IPCEF1: variants seen among roughly 807,000 people sequenced by gnomAD.
IPCEF1 encodes interaction protein for cytohesin exchange factors 1, also known as interactor protein for cytohesin exchange factors 1.
Under a neutral mutation model 50.9 loss-of-function variants are expected in IPCEF1, and 31 were observed. The observed-to-expected ratio is 0.61, with a 90% CI of 0.46 to 0.82. The LOEUF (loss-of-function observed/expected upper bound fraction) is 0.82. Ranked by LOEUF, IPCEF1 falls within the 40% of genes least tolerant of loss-of-function variation. IPCEF1 has a pLI of 0.00. For missense variants in IPCEF1, 458 were observed against 514.0 expected (o/e 0.89, Z 1.05); for synonymous variants, 181 against 192.0 (o/e 0.94, Z 0.47).
chr6:154,166,822 T>A (rs1378665414), intron 11 of IPCEF1, among the ~76,000 whole-genome samples: 1 of 152,172 alleles, frequency 6.6e-6, no homozygotes, highest in African/African-American at 2.4e-5. Context: ...CATTGAATAA[T>A]CAAATATATT....
At chr6:154,205,811 T>C (rs575691060) in intron 9 of IPCEF1, among the ~76,000 whole-genome samples, 30 of 152,238 alleles carry the variant, frequency 2.0e-4, no homozygotes, top group Non-Finnish European at 3.8e-4. Flanking sequence ...AATGCTATCA[T>C]ATTTGATTAT....
chr6:154,291,388 T>TG (rs1320072398), intron 1 of IPCEF1, among the ~76,000 whole-genome samples: 1 of 152,184 alleles, frequency 6.6e-6, no homozygotes, highest in African/African-American at 2.4e-5. Flanking sequence ...CTTGAGTACT[T>TG]GGATTTTTTT....
intron 2 of IPCEF1, among the ~76,000 whole-genome samples, chr6:154,279,807 A>G (rs1359821238): frequency 6.6e-6 from 1 of 152,242 alleles, no homozygotes; most frequent in Non-Finnish European, 1.5e-5. Flanking sequence ...AAGAACTCCC[A>G]TGAATCAGTA....
intron 1 of IPCEF1, among the ~76,000 whole-genome samples, chr6:154,346,645 A>G (rs542360277): frequency 3.3e-5 from 5 of 152,348 alleles, no homozygotes; most frequent in African/African-American, 1.2e-4. Flanking sequence ...AGAAACTTAC[A>G]GTCATGGTGG....
chr6:154,321,790 A>C (rs1783385782), intron 1 of IPCEF1, among the ~76,000 whole-genome samples: 1 of 148,532 alleles, frequency 6.7e-6, no homozygotes, highest in Non-Finnish European at 1.5e-5. Context: ...AAAAAAAAAA[A>C]AAAAAAAAAA....
At chr6:154,206,617 C>CA (rs1562540910) in intron 9 of IPCEF1, among the ~76,000 whole-genome samples, 3 of 151,658 alleles carry the variant, frequency 2.0e-5, no homozygotes, top group African/African-American at 7.3e-5. Context: ...AAAAAATCAT[C>CA]AAAAAAAGAA....
intron 2 of IPCEF1, among the ~76,000 whole-genome samples, chr6:154,283,306 A>AT (rs1340032407): frequency 4.1e-4 from 55 of 132,690 alleles, no homozygotes; most frequent in African/African-American, 1.5e-3. Flanking sequence ...AAAAAAAAAA[A>AT]AAAAAGAGGG....
At chr6:154,213,348 T>C (rs1360943678) in intron 8 of IPCEF1, 1 of 159,688 alleles carries the variant, frequency 6.3e-6, no homozygotes, top group African/African-American at 2.4e-5. Context: ...GGCCATGTCA[T>C]AGAAGGCCTT....
At chr6:154,243,676 G>A (rs1780783126) in intron 5 of IPCEF1, among the ~76,000 whole-genome samples, 1 of 152,186 alleles carries the variant, frequency 6.6e-6, no homozygotes, top group Admixed American at 6.5e-5. Flanking sequence ...CAGAAAACAG[G>A]GTGGTCTTAA....
chr6:154,281,537 T>C (rs1208240134), intron 2 of IPCEF1, among the ~76,000 whole-genome samples: 1 of 151,710 alleles, frequency 6.6e-6, no homozygotes, highest in East Asian at 1.9e-4. Flanking sequence ...AATAAACTCT[T>C]GTTGAAGATT....
intron 10 of IPCEF1, among the ~76,000 whole-genome samples, chr6:154,198,816 C>A (rs1371860999): frequency 6.6e-6 from 1 of 152,156 alleles, no homozygotes; most frequent in African/African-American, 2.4e-5. Flanking sequence ...ATTAGACACT[C>A]TGGCAAGTGA....
chr6:154,344,107 G>C (rs753897056), intron 1 of IPCEF1, among the ~76,000 whole-genome samples: 6 of 152,148 alleles, frequency 3.9e-5, no homozygotes, highest in Admixed American at 6.5e-5. Context: ...AAACTGGCTG[G>C]TATCCACCAC....
chr6:154,288,698 A>C (rs1383797054), intron 2 of IPCEF1, among the ~76,000 whole-genome samples: 5 of 148,014 alleles, frequency 3.4e-5, no homozygotes, highest in Admixed American at 6.7e-5. Flanking sequence ...AAAAAAAAAA[A>C]AAAAAAACTG....
chr6:154,246,572 A>C lies in IPCEF1; in HGVS notation c.246+19T>G, dbSNP rs1206148228. 1.3e-6 allele frequency: 2 copies of C among 1,599,998 alleles called. No homozygotes were observed. Among genetic ancestry groups the C allele is most frequent in the East Asian group, 4.5e-5 (2 of 44,742 alleles). The stretch of plus-strand genomic sequence containing the variant: ...CCTCATTAAAACGGCTGGGAATAGG[A>C]GGAAGAAAGCAGACTCACCATTTGA... On this transcript the variant is annotated intron_variant, in intron 5 of 11. Transcript: ENST00000367220.
chr6:154,300,158 GCAGAC>G (rs1782755819), intron 1 of IPCEF1, among the ~76,000 whole-genome samples: 1 of 141,744 alleles, frequency 7.1e-6, no homozygotes, highest in Admixed American at 7.3e-5. Context: ...TGAAATGCAG[GCAGAC>G]CTCTTTGTGG....
intron 2 of IPCEF1, among the ~76,000 whole-genome samples, chr6:154,287,482 TA>T (rs1395164611): frequency 6.6e-6 from 1 of 152,236 alleles, no homozygotes; most frequent in Non-Finnish European, 1.5e-5. Flanking sequence ...TGGGTGCTAT[TA>T]CTGTCTCCAT....
intron 3 of IPCEF1, among the ~76,000 whole-genome samples, chr6:154,256,248 G>C (rs1438267290): frequency 6.6e-6 from 1 of 152,106 alleles, no homozygotes; most frequent in Non-Finnish European, 1.5e-5. Context: ...TGGCCAGGGA[G>C]AAAATCATCT....
At chr6:154,250,051 T>C (rs958754493) in intron 3 of IPCEF1, among the ~76,000 whole-genome samples, 1 of 152,166 alleles carries the variant, frequency 6.6e-6, no homozygotes, top group Non-Finnish European at 1.5e-5. Context: ...CTGCATATTA[T>C]AGAAATAACA....
chr6:154,196,418 A>AT (rs923959640), intron 10 of IPCEF1, among the ~76,000 whole-genome samples: 1 of 151,488 alleles, frequency 6.6e-6, no homozygotes, highest in Non-Finnish European at 1.5e-5. Flanking sequence ...ACAATGTTTT[A>AT]TTTTTTTTAA....
Sources: allele counts gnomAD v4.1 joint callset (sites outside exome capture counted in the v4.1 genomes callset), GRCh38; gene constraint gnomAD v4.1.1; transcripts MANE v1.5; gene names NCBI Gene and HGNC (gene_info 2026-07-23, HGNC 2026-07-21).